Variants in NEBL observed in about 807,000 individuals in gnomAD.
NEBL encodes LIM and SH3 protein 2.
In NEBL, 122 loss-of-function variants were observed where a neutral mutation model predicts 140.2. The observed-to-expected ratio is 0.87, with a 90% CI of 0.75 to 1.01. The LOEUF is 1.01. Among genes scored for constraint, NEBL ranks in the 50% least tolerant of loss-of-function variants. NEBL has a pLI of 0.00. For missense variants in NEBL, 1,365 were observed against 1,231.3 expected (o/e 1.11, Z -1.62); for synonymous variants, 436 against 398.9 (o/e 1.09, Z -1.11).
chr10:20,878,317 C>T (rs1265356101), intron 5 of NEBL, among the ~76,000 whole-genome samples: 1 of 152,170 alleles, frequency 6.6e-6, no homozygotes, highest in Non-Finnish European at 1.5e-5. Flanking sequence ...AAGATGTTGA[C>T]TTCCATTGTT....
chr10:20,998,216 C>T (rs1837748059), intron 3 of NEBL, among the ~76,000 whole-genome samples: 1 of 152,084 alleles, frequency 6.6e-6, no homozygotes. Context: ...GTCGGAAAGT[C>T]CTGAGGCCAA....
At chr10:20,855,471 C>T (rs898686413) in intron 9 of NEBL, among the ~76,000 whole-genome samples, 2 of 149,122 alleles carry the variant, frequency 1.3e-5, no homozygotes, top group East Asian at 2.0e-4. Flanking sequence ...ACACAATTAT[C>T]GATTTTAGTT....
chr10:21,033,818 T>C (rs1704101515), intron 2 of NEBL, among the ~76,000 whole-genome samples: 1 of 151,560 alleles, frequency 6.6e-6, no homozygotes, highest in Non-Finnish European at 1.5e-5. Flanking sequence ...TCTTATGATA[T>C]GGCTCTCGTT....
intron 4 of NEBL, among the ~76,000 whole-genome samples, chr10:20,941,527 A>G (rs965239837): frequency 3.0e-4 from 46 of 152,020 alleles, no homozygotes; most frequent in African/African-American, 1.1e-3. Context: ...CTGGCACAAG[A>G]CAGGGATGCC....
intron 2 of NEBL, among the ~76,000 whole-genome samples, chr10:21,054,736 T>G (rs1322145318): frequency 6.6e-6 from 1 of 152,194 alleles, no homozygotes; most frequent in African/African-American, 2.4e-5. Context: ...CCTATTAATG[T>G]CATTCAAATA....
At chr10:21,093,991 A>G (rs1837043274) in intron 2 of NEBL, among the ~76,000 whole-genome samples, 1 of 152,218 alleles carries the variant, frequency 6.6e-6, no homozygotes, top group African/African-American at 2.4e-5. Context: ...ATAGAAAACT[A>G]TATTTATCTG....
intron 14 of NEBL, among the ~76,000 whole-genome samples, chr10:20,834,635 A>G (rs1327746934): frequency 1.3e-5 from 2 of 152,190 alleles, no homozygotes; most frequent in Non-Finnish European, 2.9e-5. Flanking sequence ...ATCACACAAC[A>G]GGTCTCAGGA....
intron 3 of NEBL, among the ~76,000 whole-genome samples, chr10:21,232,791 G>C (rs1842283561): frequency 6.6e-6 from 1 of 152,182 alleles, no homozygotes; most frequent in South Asian, 2.1e-4. Flanking sequence ...GACATGGTCT[G>C]ACTTACATTT....
exon 2 of NEBL, chr10:21,172,416 T>C: frequency 6.2e-7 from 1 of 1,613,710 alleles, no homozygotes; most frequent in Non-Finnish European, 8.5e-7. Context: ...ATAGCCTTTG[T>C]AGTTGTTCAT....
rs147329912 is a variant in NEBL at position 21,164,263 on chromosome 10, A to G, written c.164+8120T>C. On this transcript the variant is annotated intron_variant, in intron 2 of 6. Transcript: ENST00000417816. ...CTAACTATAAGAACTGAAACAGAACAGAAACGTAATTGATTTCTCCTTCCT... is the reference window on the plus strand; with the variant it reads ...CTAACTATAAGAACTGAAACAGAACGGAAACGTAATTGATTTCTCCTTCCT... Among the ~76,000 whole-genome samples, 149 of 152,372 alleles carry G rather than the reference A, an allele frequency of 9.8e-4. 1 individual carries two copies. Among genetic ancestry groups the G allele is most frequent in the African/African-American group, 3.2e-3 (133 of 41,586 alleles).
At chr10:20,992,971 G>A (rs569551772) in intron 3 of NEBL, among the ~76,000 whole-genome samples, 1 of 151,454 alleles carries the variant, frequency 6.6e-6, no homozygotes, top group South Asian at 2.1e-4. Context: ...TTTTAGTAGA[G>A]ACGGGGTTTC....
chr10:20,960,281 T>C (rs940819415), intron 4 of NEBL, among the ~76,000 whole-genome samples: 1 of 152,070 alleles, frequency 6.6e-6, no homozygotes, highest in Non-Finnish European at 1.5e-5. Context: ...TAACTGCCAG[T>C]GTAATAGATC....
At chr10:21,242,500 CA>C (rs1195199062) in intron 3 of NEBL, among the ~76,000 whole-genome samples, 1 of 152,152 alleles carries the variant, frequency 6.6e-6, no homozygotes, top group Non-Finnish European at 1.5e-5. Flanking sequence ...AACTACCTAT[CA>C]GGTACTATGC....
intron 2 of NEBL, among the ~76,000 whole-genome samples, chr10:21,049,552 C>G (rs1834674500): frequency 6.6e-6 from 1 of 152,162 alleles, no homozygotes; most frequent in South Asian, 2.1e-4. Flanking sequence ...CTATTGTTCT[C>G]CCACCCATCT....
chr10:20,885,436 T>C (rs1846425014), intron 4 of NEBL, among the ~76,000 whole-genome samples: 1 of 152,248 alleles, frequency 6.6e-6, no homozygotes, highest in Non-Finnish European at 1.5e-5. Context: ...CAATGCTAAT[T>C]GTGAGTACAT....
At chr10:20,952,392 G>A (rs1031943868) in intron 4 of NEBL, among the ~76,000 whole-genome samples, 1 of 142,462 alleles carries the variant, frequency 7.0e-6, no homozygotes, top group Admixed American at 7.4e-5. Flanking sequence ...AGCCGAAATT[G>A]TACCACTGCA....
At chr10:20,926,015 C>A (rs1359588220) in intron 4 of NEBL, among the ~76,000 whole-genome samples, 1 of 152,106 alleles carries the variant, frequency 6.6e-6, no homozygotes, top group South Asian at 2.1e-4. Flanking sequence ...CAGCCTGCCA[C>A]CAGTAAATTG....
chr10:20,928,820 T>G (rs1289726154), intron 4 of NEBL, among the ~76,000 whole-genome samples: 1 of 152,230 alleles, frequency 6.6e-6, no homozygotes, highest in Non-Finnish European at 1.5e-5. Context: ...AAGCACGCTT[T>G]TGTAGCTCCT....
intron 11 of NEBL, among the ~76,000 whole-genome samples, chr10:20,849,368 G>A (rs762827582): frequency 7.2e-5 from 11 of 151,976 alleles, no homozygotes; most frequent in Non-Finnish European, 1.5e-4. Context: ...AATCAAATAC[G>A]CCGCCTATGC....
Sources: gnomAD v4.1 joint callset for allele counts (sites outside exome capture counted in the v4.1 genomes callset) on GRCh38, gnomAD v4.1.1 for gene constraint, MANE v1.5 for transcripts, NCBI Gene and HGNC (gene_info 2026-07-23, HGNC 2026-07-21) for gene names.